HMBOX1: variants seen among roughly 807,000 people sequenced by gnomAD.
The protein encoded by HMBOX1 is homeobox-containing protein 1.
A neutral mutation model predicts 54.5 loss-of-function variants in HMBOX1; 14 were observed. That is an observed-to-expected ratio of 0.26 (90% CI 0.17 to 0.40). HMBOX1 has a LOEUF of 0.40. HMBOX1 is among the 10% of genes least tolerant of loss of function. HMBOX1 has a pLI of 1.00. For missense variants in HMBOX1, 332 were observed against 514.4 expected (o/e 0.65, Z 3.43); for synonymous variants, 160 against 181.0 (o/e 0.88, Z 0.93).
intron 1 of HMBOX1, among the ~76,000 whole-genome samples, chr8:28,893,890 T>C (rs1236302683): frequency 6.6e-6 from 1 of 152,246 alleles, no homozygotes; most frequent in Non-Finnish European, 1.5e-5. Flanking sequence ...GTTCATTTCA[T>C]TGTAGCTCTT....
rs11831 is a variant in HMBOX1 at position 29,051,248 on chromosome 8, C to T, written c.*93C>T. 8.0e-6 allele frequency: 11 copies of T among 1,368,198 alleles called. No individual in the cohort carries two copies. The highest frequency in any genetic ancestry group is 1.1e-5 in the Non-Finnish European group (11 of 990,600). The allele number at this position is 1,368,198 out of a possible 1,614,324, so 84.8% of individuals were successfully genotyped here. Reference sequence around the variant, plus strand: ...CTTAACATGTGTTCTTACAGTATAACTTGCAGTTTCTTGTATGTCAGGTAG... The same window carrying T: ...CTTAACATGTGTTCTTACAGTATAATTTGCAGTTTCTTGTATGTCAGGTAG... On this transcript the variant is annotated 3_prime_UTR_variant, in exon 10 of 10. Transcript: ENST00000287701.
At chr8:29,022,164 C>G (rs186144145) in intron 6 of HMBOX1, among the ~76,000 whole-genome samples, 3 of 152,152 alleles carry the variant, frequency 2.0e-5, no homozygotes, top group Admixed American at 2.0e-4. Context: ...CCTGTAAATC[C>G]CAACCTTTTG....
At chr8:28,985,310 C>T (rs1830002974) in intron 4 of HMBOX1, among the ~76,000 whole-genome samples, 1 of 152,168 alleles carries the variant, frequency 6.6e-6, no homozygotes, top group Non-Finnish European at 1.5e-5. Context: ...ACGGGTCTCT[C>T]TTGGGTCTCT....
chr8:29,001,591 A>G (rs1052984345), intron 4 of HMBOX1, among the ~76,000 whole-genome samples: 1 of 123,908 alleles, frequency 8.1e-6, no homozygotes, highest in Non-Finnish European at 1.8e-5. Context: ...AACAAAACAA[A>G]ACAAGACATT....
intron 5 of HMBOX1, among the ~76,000 whole-genome samples, chr8:29,016,474 A>C (rs73241202): frequency 6.6e-6 from 1 of 152,238 alleles, no homozygotes; most frequent in African/African-American, 2.4e-5. Context: ...TGATTGTGAT[A>C]ATTTTTATTA....
chr8:28,990,023 G>A (rs1323580006), intron 4 of HMBOX1, among the ~76,000 whole-genome samples: 1 of 151,856 alleles, frequency 6.6e-6, no homozygotes, highest in Non-Finnish European at 1.5e-5. Context: ...TAGGTCAGTT[G>A]GTTTTATTAT....
At chr8:28,925,348 A>G (rs1007009886) in intron 1 of HMBOX1, among the ~76,000 whole-genome samples, 20 of 152,318 alleles carry the variant, frequency 1.3e-4, no homozygotes, top group East Asian at 5.8e-4. Context: ...GCCTGGTTGC[A>G]GAGAAAACTG....
At chr8:28,995,305 T>C (rs1831646432) in intron 4 of HMBOX1, among the ~76,000 whole-genome samples, 2 of 152,218 alleles carry the variant, frequency 1.3e-5, no homozygotes, top group South Asian at 4.1e-4. Context: ...TTACTTAGCA[T>C]AATGTTTTTA....
rs1806411120 is a variant in HMBOX1 at position 29,051,392 on chromosome 8, C to T, written c.*237C>T. 3 of 643,286 alleles carry T rather than the reference C, an allele frequency of 4.7e-6. No homozygotes were observed. Among genetic ancestry groups the T allele is most frequent in the Middle Eastern group, 6.8e-4 (2 of 2,948 alleles). The allele number at this position is 643,286 out of a possible 1,614,324, so 39.8% of individuals were successfully genotyped here. On this transcript the variant is annotated 3_prime_UTR_variant, in exon 10 of 10. Transcript: ENST00000287701. ...ACCAACCAAACTTCCCTCTCCCAGC[C>T]CCCGAGGCTAGAAAATCTTGCTGCT...
chr8:28,992,137 G>T (rs1420884561), intron 4 of HMBOX1, among the ~76,000 whole-genome samples: 2 of 152,124 alleles, frequency 1.3e-5, no homozygotes, highest in African/African-American at 4.8e-5. Flanking sequence ...CTTTGAGGAT[G>T]GACTGTCTGG....
intron 4 of HMBOX1, 36 bp downstream of exon 4, chr8:28,980,192 T>C (rs1829107360): frequency 7.1e-7 from 1 of 1,415,508 alleles, no homozygotes; most frequent in South Asian, 1.1e-5. Flanking sequence ...TGGAATCATG[T>C]GTAGTCTCTG....
intron 1 of HMBOX1, among the ~76,000 whole-genome samples, chr8:28,927,629 A>G (rs1012239316): frequency 3.3e-5 from 5 of 152,054 alleles, no homozygotes; most frequent in Admixed American, 6.5e-5. Flanking sequence ...CTGCCCCCAC[A>G]ACCCAGACAC....
At chr8:28,961,950 ATGTTGCCCAAACTAGCCTTGAACG>A (rs1563476194) in intron 1 of HMBOX1, among the ~76,000 whole-genome samples, 1 of 119,794 alleles carries the variant, frequency 8.3e-6, no homozygotes, top group Non-Finnish European at 1.6e-5. Context: ...GGGACTCATC[ATGTTGCCCAAACTAGCCTTGAACG>A]TGTTGCCCAA....
chr8:28,944,413 A>G (rs1822034392), intron 1 of HMBOX1, among the ~76,000 whole-genome samples: 1 of 152,224 alleles, frequency 6.6e-6, no homozygotes, highest in Admixed American at 6.5e-5. Flanking sequence ...GGAGAGCATG[A>G]TCATTGATAC....
At chr8:28,975,664 T>C (rs758049506) in intron 3 of HMBOX1, among the ~76,000 whole-genome samples, 1 of 152,140 alleles carries the variant, frequency 6.6e-6, no homozygotes, top group Non-Finnish European at 1.5e-5. Context: ...TTGAAGTAAG[T>C]AAGCTGTGGA....
chr8:28,896,772 CTA>C (rs1212766040), intron 1 of HMBOX1, among the ~76,000 whole-genome samples: 1 of 152,178 alleles, frequency 6.6e-6, no homozygotes, highest in Non-Finnish European at 1.5e-5. Flanking sequence ...TAAGTACACT[CTA>C]TGGTGTTCGC....
At chr8:29,021,893 T>C (rs555713566) in intron 6 of HMBOX1, among the ~76,000 whole-genome samples, 21 of 150,292 alleles carry the variant, frequency 1.4e-4, no homozygotes, top group African/African-American at 4.9e-4. Flanking sequence ...ATCTAATTGA[T>C]AGTAAGAGAA....
At chr8:28,932,093 C>A (rs1249117280) in intron 1 of HMBOX1, among the ~76,000 whole-genome samples, 17 of 152,014 alleles carry the variant, frequency 1.1e-4, no homozygotes, top group African/African-American at 2.7e-4. Flanking sequence ...TAAACTAGTA[C>A]CTGAGTAATA....
At chr8:28,898,065 A>T (rs898920443) in intron 1 of HMBOX1, among the ~76,000 whole-genome samples, 5 of 152,212 alleles carry the variant, frequency 3.3e-5, no homozygotes, top group Non-Finnish European at 7.4e-5. Flanking sequence ...GTCTTAAAAG[A>T]TGAGGCTGTT....
Sources: gnomAD v4.1 joint callset for allele counts (sites outside exome capture counted in the v4.1 genomes callset) on GRCh38, gnomAD v4.1.1 for gene constraint, MANE v1.5 for transcripts, NCBI Gene and HGNC (gene_info 2026-07-23, HGNC 2026-07-21) for gene names.